Variants in AGAP1 observed in about 807,000 individuals in gnomAD.
AGAP1 encodes the protein arf-GAP with GTPase, ANK repeat and PH domain-containing protein 1.
A neutral mutation model predicts 105.3 loss-of-function variants in AGAP1; 29 were observed. The ratio of observed to expected loss-of-function variants is 0.28; its 90% CI spans 0.21 to 0.38. AGAP1 has a LOEUF of 0.38. Among genes scored for constraint, AGAP1 ranks in the 10% least tolerant of loss-of-function variants. The probability of loss-of-function intolerance (pLI) is 1.00; values close to 1 mark genes in which losing one functional copy is unlikely to be tolerated. For missense variants in AGAP1, 998 were observed against 1,165.1 expected, an observed-to-expected ratio of 0.86 and a Z score of 2.09; for synonymous variants, 509 against 485.9, an observed-to-expected ratio of 1.05 and a Z score of -0.63.
intron 12 of AGAP1, among the ~76,000 whole-genome samples, chr2:235,941,812 G>A (rs773822382): frequency 3.3e-5 from 5 of 150,152 alleles, no homozygotes; most frequent in East Asian, 1.9e-4. Context: ...GGATCCATGC[G>A]AAGGGAAGGG....
At position 235,719,461 on chromosome 2, in the gene AGAP1, G is replaced by C. The variant is rs183573359; in HGVS notation, c.310+1817G>C. On this transcript the variant is annotated intron_variant, in intron 3 of 17. Transcript: ENST00000304032. This position sits in a 1 kb window ranked among gnomAD's most constrained non-coding sequence, Gnocchi z 4.9. ...TCACACCAAAGCATTTCTCTTGAAC[G>C]TTTATACATCAAAAGGAAGGATTGT... 9.8e-5 allele frequency among the ~76,000 whole-genome samples: 15 copies of C among 152,304 alleles called. No individual in the cohort carries two copies. In the South Asian group the frequency reaches 2.3e-3, roughly 23 times the overall value.
intron 6 of AGAP1, chr2:235,773,734 T>C (rs142309104): frequency 2.0e-3 from 725 of 361,502 alleles, no homozygotes; most frequent in Non-Finnish European, 3.3e-3. Flanking sequence ...TCATGTCCTC[T>C]CCTATGGAAG....
intron 1 of AGAP1, among the ~76,000 whole-genome samples, chr2:235,671,230 C>G (rs1201014498): frequency 2.0e-5 from 3 of 152,346 alleles, no homozygotes; most frequent in East Asian, 1.9e-4. Flanking sequence ...CCTGGGTTTT[C>G]TGGCTGCCCC....
At position 235,888,247 on chromosome 2, in the gene AGAP1, T is replaced by C. The variant is rs1195174987; in HGVS notation, c.1155+4798T>C. Among the ~76,000 whole-genome samples the C allele has an allele frequency of 2.0e-5, 3 of 152,098 alleles. No homozygotes were observed. Among genetic ancestry groups the C allele is most frequent in the Non-Finnish European group, 4.4e-5 (3 of 68,016 alleles). ...AGGAGGATCTCAGGATTATTTGTTC[T>C]TTAGGATCAAACCGAGAAGGTGGAA... On this transcript the variant is annotated intron_variant, in intron 10 of 17. Coordinates refer to ENST00000304032, the MANE Select transcript of AGAP1 (RefSeq NM_001037131.3). This position sits in a 1 kb window ranked among gnomAD's most constrained non-coding sequence, Gnocchi z 4.8.
intron 6 of AGAP1, among the ~76,000 whole-genome samples, chr2:235,763,626 A>G (rs565364865): frequency 6.6e-6 from 1 of 152,264 alleles, no homozygotes; most frequent in African/African-American, 2.4e-5. Flanking sequence ...CTTGGTGTTG[A>G]CTGGCCTTCC....
chr2:235,530,099 T>C (rs925035784), intron 1 of AGAP1, among the ~76,000 whole-genome samples: 1 of 152,072 alleles, frequency 6.6e-6, no homozygotes, highest in Non-Finnish European at 1.5e-5. Flanking sequence ...AACTGACAAG[T>C]CTCGTACCTC....
chr2:235,861,566 C>T (rs1010810958), intron 9 of AGAP1, among the ~76,000 whole-genome samples: 1 of 152,220 alleles, frequency 6.6e-6, no homozygotes, highest in Non-Finnish European at 1.5e-5. Flanking sequence ...TTAACTGTCA[C>T]CTCTGTCACC....
intron 1 of AGAP1, among the ~76,000 whole-genome samples, chr2:235,653,712 G>A (rs547702617): frequency 1.8e-3 from 271 of 152,248 alleles, no homozygotes; most frequent in Middle Eastern, 3.4e-3. Context: ...CAAAATTGTT[G>A]AAGAGCCAGC....
At chr2:235,674,722 ACT>A (rs1383283700) in intron 1 of AGAP1, among the ~76,000 whole-genome samples, 1 of 138,320 alleles carries the variant, frequency 7.2e-6, no homozygotes, top group African/African-American at 2.8e-5. Context: ...ATGGAGTCTC[ACT>A]CTGTTGCCAG....
In AGAP1 at chr2:236,046,176, G is replaced by A. The variant is rs1329964639; in HGVS notation, c.1892-2883G>A. The stretch of plus-strand genomic sequence containing the variant: ...TAAGAGCTTAGGCAAGTGGCTATGG[G>A]GATCCAGATGTGAGTGGAGACAGTG... On this transcript the variant is annotated intron_variant, in intron 15 of 17. Coordinates refer to ENST00000304032, the MANE Select transcript of AGAP1 (RefSeq NM_001037131.3). The surrounding 1 kb of genome is among the most constrained non-coding windows in gnomAD (Gnocchi z 5.2). 5.2e-6 allele frequency: 2 copies of A among 381,566 alleles called. No individual in the cohort carries two copies. The highest frequency in any genetic ancestry group is 2.1e-5 in the African/African-American group (1 of 47,774). The allele number at this position is 381,566 out of a possible 1,614,324, so 23.6% of individuals were successfully genotyped here.
intron 1 of AGAP1, among the ~76,000 whole-genome samples, chr2:235,521,269 TG>T (rs1942603375): frequency 1.3e-5 from 2 of 152,324 alleles, no homozygotes; most frequent in South Asian, 4.1e-4. Context: ...TCTTCTATCC[TG>T]GTGGAGGTGT....
chr2:236,080,850 G>A lies in AGAP1; in HGVS notation c.2114+31569G>A. On this transcript the variant is annotated intron_variant, in intron 16 of 17. Coordinates refer to ENST00000304032, the MANE Select transcript of AGAP1 (RefSeq NM_001037131.3). The surrounding 1 kb of genome is among the most constrained non-coding windows in gnomAD (Gnocchi z 4.2). ...TTCTGTCCTCACATCTTCTGACTCT[G>A]ATTCTCCTATTTATATGACCCTCTT... Among the ~76,000 whole-genome samples, 1 of 152,100 alleles carries A rather than the reference G, an allele frequency of 6.6e-6. No homozygotes were observed.
intron 9 of AGAP1, among the ~76,000 whole-genome samples, chr2:235,862,279 C>A (rs768451370): frequency 1.3e-5 from 2 of 152,192 alleles, no homozygotes; most frequent in Non-Finnish European, 2.9e-5. Flanking sequence ...TTCAAATTTC[C>A]AAGAAATTAA....
chr2:236,037,817 C>T (rs1190868993), intron 14 of AGAP1, among the ~76,000 whole-genome samples: 1 of 152,110 alleles, frequency 6.6e-6, no homozygotes, highest in Admixed American at 6.5e-5. Flanking sequence ...TGTCTTTAAC[C>T]TCTTTGCTGG....
rs2056098819 is a variant in AGAP1, at chr2:236,001,062, C to T, written c.1645+32439C>T. ...GCCTCATATGGAACTAGGGTCATGG[C>T]AGATGTCATTAGCTATACAGGAGGG... On this transcript the variant is annotated intron_variant, in intron 13 of 17. Transcript: ENST00000304032. This position sits in a 1 kb window ranked among gnomAD's most constrained non-coding sequence, Gnocchi z 4.7. Among the ~76,000 whole-genome samples, 1 of 152,166 alleles carries T rather than the reference C, an allele frequency of 6.6e-6. No individual in the cohort carries two copies. The highest frequency in any genetic ancestry group is 2.1e-4 in the South Asian group (1 of 4,830).
chr2:235,846,430 G>T (rs923399593), intron 9 of AGAP1, among the ~76,000 whole-genome samples: 1 of 151,296 alleles, frequency 6.6e-6, no homozygotes, highest in Non-Finnish European at 1.5e-5. Flanking sequence ...CAGTTCAAGC[G>T]ATTATTCTGC....
intron 9 of AGAP1, 73 bp downstream of exon 9, chr2:235,807,404 C>G: frequency 7.3e-7 from 1 of 1,372,608 alleles, no homozygotes; most frequent in Non-Finnish European, 9.9e-7. Flanking sequence ...ATGATGCTGG[C>G]TCTCGCACCA....
chr2:235,746,646 G>C (rs142496022), intron 5 of AGAP1, among the ~76,000 whole-genome samples: 1 of 152,010 alleles, frequency 6.6e-6, no homozygotes, highest in South Asian at 2.1e-4. Context: ...ATCCACAGCA[G>C]ATTCTGCTTA....
intron 1 of AGAP1, among the ~76,000 whole-genome samples, chr2:235,543,091 T>TCCC (rs1316081391): frequency 1.3e-4 from 5 of 39,998 alleles, no homozygotes; most frequent in Admixed American, 3.0e-4. Flanking sequence ...TCCCGCCTCC[T>TCCC]CCCCCTCCCC....
Sources: allele counts gnomAD v4.1 joint callset (sites outside exome capture counted in the v4.1 genomes callset), GRCh38; gene constraint gnomAD v4.1.1; non-coding constraint Gnocchi (gnomAD v3.1); transcripts MANE v1.5; gene names NCBI Gene and HGNC (gene_info 2026-07-23, HGNC 2026-07-21).